SPINK2: variants seen among roughly 807,000 people sequenced by gnomAD.
SPINK2 encodes serine protease inhibitor Kazal-type 2.
A neutral mutation model predicts 13.5 loss-of-function variants in SPINK2; 8 were observed. The ratio of observed to expected loss-of-function variants is 0.59; its 90% CI spans 0.35 to 1.07. The LOEUF (loss-of-function observed/expected upper bound fraction) is 1.07, where lower values mean the gene tolerates loss of function less well. Ranked by LOEUF, SPINK2 falls within the 50% of genes least tolerant of loss-of-function variation. SPINK2 has a pLI of 0.02. For synonymous variants in SPINK2, 76 were observed against 74.7 expected (o/e 1.02, Z -0.09); for missense variants, 148 against 180.3 (o/e 0.82, Z 1.03).
Position 56,821,313 on chromosome 4 carries a change from T to A in SPINK2, c.205+145A>T, listed in dbSNP as rs1466949900. On this transcript the variant is annotated intron_variant, in intron 1 of 3. Transcript: ENST00000506738. ...TACATAAAAACTCAACTCCTCATCT[T>A]GGGCACCTGAAAATCTACTTTAACA... is the stretch of plus-strand genomic sequence containing the variant. 2.9e-6 allele frequency: 4 copies of A among 1,395,308 alleles called. No individual in the cohort carries two copies. The African/African-American group carries it at 6.0e-5, about 21-fold the overall frequency. 86.4% of individuals were successfully genotyped at this position (1,395,308 alleles called of 1,614,324 possible).
At chr4:56,814,973 A>C (rs913177897) in intron 2 of SPINK2, among the ~76,000 whole-genome samples, 2 of 150,934 alleles carry the variant, frequency 1.3e-5, no homozygotes, top group African/African-American at 2.4e-5. Context: ...AAAAAAAAAA[A>C]AAAAAAAAAA....
At chr4:56,818,163 T>C (rs771801247) in intron 2 of SPINK2, 1 of 152,196 alleles carries the variant, frequency 6.6e-6, no homozygotes, top group African/African-American at 2.4e-5. Flanking sequence ...GCAGTGGCAA[T>C]GGAAATAAGG....
upstream of SPINK2, chr4:56,821,778 G>C (rs1717978226): frequency 8.7e-7 from 1 of 1,148,492 alleles, no homozygotes; most frequent in East Asian, 3.1e-5. Context: ...GAGAATGGGA[G>C]GAAAAGCAGC....
intron 2 of SPINK2, among the ~76,000 whole-genome samples, chr4:56,816,196 A>G (rs937629265): frequency 1.3e-5 from 2 of 152,158 alleles, no homozygotes; most frequent in Admixed American, 6.6e-5. Flanking sequence ...TACACTAACA[A>G]TGAAAAATCT....
intron 2 of SPINK2, among the ~76,000 whole-genome samples, chr4:56,817,263 A>G (rs80226603): frequency 0.021 from 3,210 of 152,322 alleles, 111 homozygotes; most frequent in African/African-American, 0.073. Flanking sequence ...TGTATACTGA[A>G]AACTACAAAG....
At chr4:56,818,001 G>GACATGCT (rs1361445489) in intron 2 of SPINK2, among the ~76,000 whole-genome samples, 10 of 152,218 alleles carry the variant, frequency 6.6e-5, no homozygotes, top group Non-Finnish European at 1.5e-4. Flanking sequence ...TTTGCACAGA[G>GACATGCT]ACATGCTACA....
intron 2 of SPINK2, among the ~76,000 whole-genome samples, chr4:56,816,161 T>C (rs982419529): frequency 6.6e-6 from 1 of 152,142 alleles, no homozygotes; most frequent in Non-Finnish European, 1.5e-5. Context: ...ACAAGATCAA[T>C]ATATAAAACT....
chr4:56,811,008 G>T (rs967721948), intron 3 of SPINK2, among the ~76,000 whole-genome samples: 2 of 152,098 alleles, frequency 1.3e-5, no homozygotes, highest in Non-Finnish European at 2.9e-5. Flanking sequence ...CCCACTTCCC[G>T]ACTACTAATA....
At chr4:56,821,765 G>GGGAAGGGGCGTGGGAAGGGGCGGA, upstream of SPINK2, 1 of 1,218,522 alleles carries the variant, frequency 8.2e-7, no homozygotes, top group South Asian at 1.7e-5. Flanking sequence ...GAAGGGGCGG[G>GGGAAGGGGCGTGGGAAGGGGCGGA]GCGAGAATGG....
rs151159357 is a variant in SPINK2, at chr4:56,815,475, A to T, written c.250-3681T>A. Among the ~76,000 whole-genome samples, 287 of 152,252 alleles carry T rather than the reference A, an allele frequency of 1.9e-3. 2 individuals carry two copies. Among genetic ancestry groups the T allele is most frequent in the African/African-American group, 6.7e-3 (280 of 41,560 alleles). ...AACACTTTTGGAGGCCAAGGCAGGC[A>T]GATCACTTGAGGCCAGGAGTTCGAG... On this transcript the variant is annotated intron_variant, in intron 2 of 3. Transcript: ENST00000506738.
chr4:56,815,866 G>A (rs547779438), intron 2 of SPINK2, among the ~76,000 whole-genome samples: 107 of 151,940 alleles, frequency 7.0e-4, no homozygotes, highest in African/African-American at 2.5e-3. Flanking sequence ...TACTTTGGGA[G>A]GCTGAGGTAG....
Position 56,810,113 on chromosome 4 carries a change from C to T in SPINK2, c.*26G>A, listed in dbSNP as rs759607929. ...AGTCTGCCAGTGAAGGTGGTCTCTCCATCTTCTTTTCTGTAAACTGCTCCA... is the reference window on the plus strand; with the variant it reads ...AGTCTGCCAGTGAAGGTGGTCTCTCTATCTTCTTTTCTGTAAACTGCTCCA... On this transcript the variant is annotated 3_prime_UTR_variant, in exon 4 of 4. Transcript: ENST00000506738. 9 of 1,598,206 alleles carry T rather than the reference C, an allele frequency of 5.6e-6. No homozygotes were observed. In the Admixed American group the frequency reaches 1.4e-4, roughly 25 times the overall value.
chr4:56,819,057 C>T (rs925289395), intron 2 of SPINK2, among the ~76,000 whole-genome samples: 2 of 152,036 alleles, frequency 1.3e-5, no homozygotes, highest in Non-Finnish European at 2.9e-5. Context: ...GTGACCTTGG[C>T]CAAGGGGATA....
intron 2 of SPINK2, among the ~76,000 whole-genome samples, chr4:56,814,300 T>C (rs2109656175): frequency 6.6e-6 from 1 of 152,030 alleles, no homozygotes; most frequent in East Asian, 1.9e-4. Flanking sequence ...CCTCAGTCCA[T>C]GGAAAAATTG....
At chr4:56,812,512 G>A (rs981590078) in intron 2 of SPINK2, among the ~76,000 whole-genome samples, 2 of 124,602 alleles carry the variant, frequency 1.6e-5, no homozygotes, top group African/African-American at 6.3e-5. Context: ...CCGAGATCAC[G>A]CCATTGCACT....
At chr4:56,813,084 G>A (rs919798863) in intron 2 of SPINK2, among the ~76,000 whole-genome samples, 6 of 152,176 alleles carry the variant, frequency 3.9e-5, no homozygotes, top group Non-Finnish European at 8.8e-5. Context: ...CACTTTGGGA[G>A]GCTGAGGCAG....
At chr4:56,814,785 C>T (rs946448954) in intron 2 of SPINK2, among the ~76,000 whole-genome samples, 40 of 151,716 alleles carry the variant, frequency 2.6e-4, no homozygotes, top group African/African-American at 9.4e-4. Flanking sequence ...CACGATGAAA[C>T]CCCGCCTCTA....
At chr4:56,813,381 C>A (rs569912777) in intron 2 of SPINK2, among the ~76,000 whole-genome samples, 1 of 152,132 alleles carries the variant, frequency 6.6e-6, no homozygotes, top group Non-Finnish European at 1.5e-5. Flanking sequence ...TTAAGCAATT[C>A]TCTGACCTTT....
intron 2 of SPINK2, among the ~76,000 whole-genome samples, chr4:56,819,343 T>C (rs1158645759): frequency 6.6e-6 from 1 of 152,198 alleles, no homozygotes; most frequent in African/African-American, 2.4e-5. Flanking sequence ...TCCTCATATG[T>C]CAAATAATGT....
Sources: allele counts gnomAD v4.1 joint callset (sites outside exome capture counted in the v4.1 genomes callset), GRCh38; gene constraint gnomAD v4.1.1; transcripts MANE v1.5; gene names NCBI Gene and HGNC (gene_info 2026-07-23, HGNC 2026-07-21).